Variants in TRDN observed in about 807,000 individuals in gnomAD.
TRDN encodes the protein triadin in skeletal muscle.
In TRDN, 161 loss-of-function variants were observed where a neutral mutation model predicts 149.7. The ratio of observed to expected loss-of-function variants is 1.08; its 90% CI spans 0.95 to 1.23. The LOEUF (loss-of-function observed/expected upper bound fraction) is 1.23, where lower values mean the gene tolerates loss of function less well. Ranked by LOEUF, TRDN falls within the 50% of genes most tolerant of loss-of-function variation. The pLI is 0.00. For synonymous variants in TRDN, 294 were observed against 250.5 expected, an observed-to-expected ratio of 1.17 and a Z score of -1.64; for missense variants, 896 against 823.5, an observed-to-expected ratio of 1.09 and a Z score of -1.08.
intron 12 of TRDN, among the ~76,000 whole-genome samples, chr6:123,414,601 G>A (rs1381786149): frequency 6.6e-6 from 1 of 152,020 alleles, no homozygotes; most frequent in Non-Finnish European, 1.5e-5. Context: ...TAATAATAAA[G>A]AGTTCCCAAT....
At position 123,255,876 on chromosome 6, in the gene TRDN, C is replaced by A; in HGVS notation, c.1897G>T (p.Glu633Ter). 7.4e-7 allele frequency: 1 copy of A among 1,351,512 alleles called. No individual in the cohort carries two copies. The highest frequency in any genetic ancestry group is 9.6e-7 in the Non-Finnish European group (1 of 1,036,598). The allele number at this position is 1,351,512 out of a possible 1,614,324, so 83.7% of individuals were successfully genotyped here. A position where few individuals can be genotyped will look rare whatever the true frequency, so the allele number is the denominator to read the frequency against. The change falls in exon 36 of 41, where the codon GAA becomes TAA. Residue 633 changes from glutamate (E) to a stop codon, truncating the protein, a stop_gained. Coordinates refer to ENST00000334268, the MANE Select transcript of TRDN (RefSeq NM_006073.4). LOFTEE classifies it high-confidence loss of function. ...TCTTTTAAAAAATTACCTTTTTCTT[C>A]TCTAAGATGCTTCATGTCTGCTTTT... ...KEKADMKHLR[E>*]EKVSTRKESL...
chr6:123,508,664 G>GT (rs1779035678), intron 7 of TRDN, among the ~76,000 whole-genome samples: 1 of 152,158 alleles, frequency 6.6e-6, no homozygotes, highest in African/African-American at 2.4e-5. Context: ...TCCTACATAT[G>GT]TATCAAGGTA....
intron 10 of TRDN, among the ~76,000 whole-genome samples, chr6:123,447,927 G>A (rs1268450671): frequency 6.6e-6 from 1 of 152,142 alleles, no homozygotes; most frequent in Non-Finnish European, 1.5e-5. Flanking sequence ...CCCCAACTGT[G>A]GAAGTGGGAA....
chr6:123,257,981 T>C (rs1322669073), intron 35 of TRDN, among the ~76,000 whole-genome samples: 2 of 152,202 alleles, frequency 1.3e-5, no homozygotes, highest in Non-Finnish European at 2.9e-5. Flanking sequence ...TGCACATTGA[T>C]TTTGTATCTT....
At chr6:123,393,806 T>G (rs1475437610) in intron 12 of TRDN, 129 bp from the exon 13 acceptor site, 2 of 829,140 alleles carry the variant, frequency 2.4e-6, no homozygotes, top group East Asian at 5.4e-5. Flanking sequence ...AGAATTTTTG[T>G]TAAGACATAA....
intron 23 of TRDN, among the ~76,000 whole-genome samples, chr6:123,330,917 C>T (rs1779637565): frequency 6.6e-6 from 1 of 151,998 alleles, no homozygotes; most frequent in African/African-American, 2.4e-5. Flanking sequence ...AAATCCTTCT[C>T]TTATCAATAA....
chr6:123,505,017 G>T (rs939635883), intron 7 of TRDN, among the ~76,000 whole-genome samples: 18 of 151,990 alleles, frequency 1.2e-4, no homozygotes, highest in Non-Finnish European at 1.6e-4. Flanking sequence ...AGACCAAGGC[G>T]GGCGGGTCAT....
chr6:123,438,842 T>C, intron 11 of TRDN, 102 bp downstream of exon 11: 1 of 882,440 alleles, frequency 1.1e-6, no homozygotes, highest in South Asian at 1.9e-5. Flanking sequence ...TGACAATGCA[T>C]TTATTAAGGG....
In TRDN at chr6:123,337,629, C is replaced by T. The variant is rs768291815; in HGVS notation, c.1410G>A (p.Leu470=). The T allele has an allele frequency of 7.1e-7, 1 of 1,418,434 alleles. No individual in the cohort carries two copies. The highest frequency in any genetic ancestry group is 9.5e-7 in the Non-Finnish European group (1 of 1,056,160). 87.9% of individuals were successfully genotyped at this position (1,418,434 alleles called of 1,614,324 possible). The change falls in exon 22 of 41, where the codon CTG becomes CTA. Residue 470 remains leucine (L), a synonymous_variant. Transcript: ENST00000334268. ...AATTAACTCTGTTACCTTTATCTTT[C>T]AGAATTGAAGAAGTCTTCCCAGATT... ...KEKSGKTSSI[L]KDKEPIKGKE...
intron 23 of TRDN, among the ~76,000 whole-genome samples, chr6:123,317,783 T>C (rs939293623): frequency 5.9e-5 from 9 of 152,064 alleles, no homozygotes; most frequent in Non-Finnish European, 1.0e-4. Context: ...TGATATGTGG[T>C]ATATGATCAA....
intron 21 of TRDN, among the ~76,000 whole-genome samples, chr6:123,348,798 C>T (rs1229508131): frequency 6.6e-6 from 1 of 151,982 alleles, no homozygotes; most frequent in Non-Finnish European, 1.5e-5. Context: ...GCATGGTGAA[C>T]ATTATAATGA....
At chr6:123,583,909 A>G (rs1465030779) in intron 1 of TRDN, 1 of 261,288 alleles carries the variant, frequency 3.8e-6, no homozygotes, top group African/African-American at 2.3e-5. Context: ...TGGAACACTG[A>G]GAAGTTATTT....
intron 9 of TRDN, among the ~76,000 whole-genome samples, chr6:123,487,799 A>C (rs1360154140): frequency 6.6e-6 from 1 of 152,064 alleles, no homozygotes; most frequent in Non-Finnish European, 1.5e-5. Flanking sequence ...TTCACATACA[A>C]ACAAAGCAAT....
At chr6:123,252,985 CTAAA>C (rs1232368404) in intron 37 of TRDN, among the ~76,000 whole-genome samples, 1 of 151,942 alleles carries the variant, frequency 6.6e-6, no homozygotes, top group African/African-American at 2.4e-5. Context: ...TATGTAACAG[CTAAA>C]TATTTTCTTT....
At chr6:123,464,671 G>T in intron 10 of TRDN, 1 of 1,293,460 alleles carries the variant, frequency 7.7e-7, no homozygotes, top group Non-Finnish European at 9.9e-7. Context: ...CAAAGTGCTA[G>T]AGTGGGCATC....
chr6:123,480,151 A>C (rs1272114886), intron 9 of TRDN, among the ~76,000 whole-genome samples: 1 of 151,912 alleles, frequency 6.6e-6, no homozygotes, highest in Non-Finnish European at 1.5e-5. Context: ...CTTTATGGCA[A>C]ATATTTAAAA....
chr6:123,297,089 T>C (rs1356486450), intron 24 of TRDN, among the ~76,000 whole-genome samples: 1 of 152,146 alleles, frequency 6.6e-6, no homozygotes. Context: ...GTGGTTGATA[T>C]GCCTTTTTCA....
intron 20 of TRDN, among the ~76,000 whole-genome samples, chr6:123,359,897 G>A (rs576940583): frequency 2.6e-5 from 4 of 151,956 alleles, no homozygotes; most frequent in Non-Finnish European, 4.4e-5. Context: ...GGATTTCACC[G>A]TGTTAGCCAG....
Position 123,272,962 on chromosome 6 carries a change from AC to A in TRDN, c.1672+1del, listed in dbSNP as rs748544553. The A allele has an allele frequency of 6.5e-7, 1 of 1,527,704 alleles. No homozygotes were observed. Among genetic ancestry groups the A allele is most frequent in the Non-Finnish European group, 8.8e-7 (1 of 1,136,552 alleles). 94.6% of individuals were successfully genotyped at this position (1,527,704 alleles called of 1,614,324 possible). A position where few individuals can be genotyped will look rare whatever the true frequency, so the allele number is the denominator to read the frequency against. ...AGACTACAAATACCACCTGCAAAAT[AC>A]CTGGTTTACCATGAGAAACAGTCTT... On this transcript the variant is annotated splice_donor_variant, in intron 29 of 40. Coordinates refer to ENST00000334268, the MANE Select transcript of TRDN (RefSeq NM_006073.4). LOFTEE classifies it high-confidence loss of function.
Sources: allele counts gnomAD v4.1 joint callset (sites outside exome capture counted in the v4.1 genomes callset), GRCh38; gene constraint gnomAD v4.1.1; transcripts MANE v1.5; gene names NCBI Gene and HGNC (gene_info 2026-07-23, HGNC 2026-07-21).